SH3GL3: variants seen among roughly 807,000 people sequenced by gnomAD.
The protein encoded by SH3GL3 is SH3 domain containing GRB2 like 3, endophilin A3.
Under a neutral mutation model 47.7 loss-of-function variants are expected in SH3GL3, and 33 were observed. The observed-to-expected ratio is 0.69, with a 90% confidence interval of 0.52 to 0.92. SH3GL3 has a LOEUF of 0.92. Ranked by LOEUF, SH3GL3 falls within the 40% of genes least tolerant of loss-of-function variation. The pLI is 0.00. For missense variants in SH3GL3, 363 were observed against 417.8 expected, an observed-to-expected ratio of 0.87 and a Z score of 1.14; for synonymous variants, 155 against 148.8, an observed-to-expected ratio of 1.04 and a Z score of -0.30.
chr15:83,543,422 T>C (rs752857533), intron 1 of SH3GL3, among the ~76,000 whole-genome samples: 1 of 152,068 alleles, frequency 6.6e-6, no homozygotes, highest in African/African-American at 2.4e-5. Context: ...TCATGAGATA[T>C]ATTGGCCCGT....
intron 1 of SH3GL3, among the ~76,000 whole-genome samples, chr15:83,557,925 T>C (rs1000079899): frequency 6.6e-6 from 1 of 152,200 alleles, no homozygotes; most frequent in African/African-American, 2.4e-5. Context: ...TCTGTATCTG[T>C]TGTCTTCAAG....
intron 8 of SH3GL3, 55 bp from the exon 9 acceptor site, chr15:83,618,027 C>T: frequency 1.7e-6 from 2 of 1,198,814 alleles, no homozygotes; most frequent in Admixed American, 3.4e-5. Flanking sequence ...TCCAATTTCC[C>T]ATGGATAATC....
Position 83,490,894 on chromosome 15 carries a change from T to A in SH3GL3, c.45+43316T>A, listed in dbSNP as rs756636254. ...AGCTAATAGGTGCCTTACCTGGACC[T>A]CCCAACAGGTAATAAATGGGAAAAT... is the stretch of plus-strand genomic sequence containing the variant. On this transcript the variant is annotated intron_variant, in intron 1 of 8. Coordinates refer to ENST00000427482, the MANE Select transcript of SH3GL3 (RefSeq NM_003027.5). 2.5e-6 allele frequency: 4 copies of A among 1,613,958 alleles called. No individual in the cohort carries two copies. The African/African-American group carries it at 5.3e-5, about 22-fold the overall frequency.
intron 1 of SH3GL3, among the ~76,000 whole-genome samples, chr15:83,471,553 G>A (rs77159972): frequency 2.0e-4 from 31 of 152,308 alleles, no homozygotes; most frequent in African/African-American, 7.2e-4. Context: ...TAAAGCAGAT[G>A]CCTAGCTGTA....
chr15:83,495,783 T>G (rs2042052270), intron 1 of SH3GL3, among the ~76,000 whole-genome samples: 1 of 152,096 alleles, frequency 6.6e-6, no homozygotes, highest in African/African-American at 2.4e-5. Flanking sequence ...CATGTTAAGG[T>G]TGTCTGTCTG....
intron 8 of SH3GL3, among the ~76,000 whole-genome samples, chr15:83,608,517 T>A (rs994082890): frequency 1.2e-4 from 18 of 152,180 alleles, no homozygotes; most frequent in African/African-American, 4.1e-4. Flanking sequence ...TTCAAATGAA[T>A]TCTGCTATAA....
intron 8 of SH3GL3, among the ~76,000 whole-genome samples, chr15:83,604,657 G>A (rs767294641): frequency 6.6e-6 from 1 of 152,042 alleles, no homozygotes; most frequent in Non-Finnish European, 1.5e-5. Flanking sequence ...ACACTTATTG[G>A]CTACTTACTA....
intron 1 of SH3GL3, chr15:83,490,901 A>G (rs749965186): frequency 6.8e-6 from 11 of 1,614,134 alleles, no homozygotes; most frequent in Non-Finnish European, 9.3e-6. Flanking sequence ...ACCTCCCAAC[A>G]GGTAATAAAT....
At chr15:83,581,848 A>G (rs1473949489) in intron 6 of SH3GL3, among the ~76,000 whole-genome samples, 1 of 152,238 alleles carries the variant, frequency 6.6e-6, no homozygotes, top group Admixed American at 6.5e-5. Context: ...GAGCTGGATT[A>G]GAGACATTGA....
intron 8 of SH3GL3, among the ~76,000 whole-genome samples, chr15:83,594,804 C>T (rs2060197355): frequency 6.6e-6 from 1 of 152,120 alleles, no homozygotes; most frequent in Non-Finnish European, 1.5e-5. Context: ...CATCACCTAC[C>T]ATCTCACATC....
intron 6 of SH3GL3, among the ~76,000 whole-genome samples, 167 bp downstream of exon 6, chr15:83,576,908 A>C (rs1343232206): frequency 1.7e-5 from 2 of 114,622 alleles, no homozygotes; most frequent in African/African-American, 7.7e-5. Context: ...ATGAGCTTAA[A>C]AAAAAAATCA....
chr15:83,505,958 CAAATATCTT>C (rs2151617602), intron 1 of SH3GL3, among the ~76,000 whole-genome samples: 1 of 152,276 alleles, frequency 6.6e-6, no homozygotes, highest in East Asian at 1.9e-4. Context: ...ATATGCTATA[CAAATATCTT>C]CTCTTACTCT....
intron 1 of SH3GL3, among the ~76,000 whole-genome samples, chr15:83,505,630 C>T (rs1187904008): frequency 5.3e-5 from 8 of 150,220 alleles, no homozygotes; most frequent in South Asian, 2.1e-4. Flanking sequence ...TAAGTTCAAG[C>T]GATTCTCCGC....
In SH3GL3 at chr15:83,559,299, A is replaced by G; in HGVS notation, c.92A>G (p.Asp31Gly). ...GGTGCTGAAGGAACTAAACTAGACG[A>G]TGAATTTCTTGACATGGAAAGGGTA... ...ISGAEGTKLD[D>G]EFLDMERKID... The change falls in exon 2 of 9, where the codon GAT (aspartate) becomes GGT (glycine). Residue 31 changes from aspartate (D) to glycine (G), a missense_variant. Physicochemically the swap from Asp to Gly is moderately conservative, Grantham distance 94. Coordinates refer to ENST00000427482, the MANE Select transcript of SH3GL3 (RefSeq NM_003027.5). 1 of 1,592,574 alleles carries G rather than the reference A, an allele frequency of 6.3e-7. No individual in the cohort carries two copies. The highest frequency in any genetic ancestry group is 8.6e-7 in the Non-Finnish European group (1 of 1,160,410).
At chr15:83,490,897 C>A (rs1403292758) in intron 1 of SH3GL3, 4 of 1,613,952 alleles carry the variant, frequency 2.5e-6, no homozygotes, top group Non-Finnish European at 3.4e-6. Context: ...CTGGACCTCC[C>A]AACAGGTAAT....
intron 1 of SH3GL3, among the ~76,000 whole-genome samples, chr15:83,487,131 A>G (rs867791889): frequency 1.3e-5 from 2 of 152,172 alleles, no homozygotes; most frequent in Middle Eastern, 3.4e-3. Context: ...TATTTGGGGT[A>G]TATACCCTGA....
At chr15:83,510,533 T>G (rs2042703215) in intron 1 of SH3GL3, among the ~76,000 whole-genome samples, 1 of 152,228 alleles carries the variant, frequency 6.6e-6, no homozygotes, top group Non-Finnish European at 1.5e-5. Flanking sequence ...AGCAAAATTC[T>G]ATAGTCCTAA....
intron 1 of SH3GL3, chr15:83,489,143 T>C (rs2151575885): frequency 1.3e-5 from 2 of 152,318 alleles, no homozygotes; most frequent in African/African-American, 4.8e-5. Context: ...TCGTTTCTTC[T>C]GACGGCATTC....
chr15:83,517,407 T>C (rs1426650625), intron 1 of SH3GL3, among the ~76,000 whole-genome samples: 1 of 152,010 alleles, frequency 6.6e-6, no homozygotes, highest in Non-Finnish European at 1.5e-5. Context: ...GATTTCACCA[T>C]GTTGGCCAGG....
Sources: allele counts gnomAD v4.1 joint callset (sites outside exome capture counted in the v4.1 genomes callset), GRCh38; gene constraint gnomAD v4.1.1; transcripts MANE v1.5; gene names NCBI Gene and HGNC (gene_info 2026-07-23, HGNC 2026-07-21).